The following ANKMY1 variants were observed in gnomAD, a reference collection of about 807,000 sequenced individuals.
The protein encoded by ANKMY1 is ankyrin repeat and MYND domain-containing protein 1.
ANKMY1 carries 98 observed loss-of-function variants against 102.0 expected under a neutral mutation model. The observed-to-expected ratio is 0.96, with a 90% CI of 0.82 to 1.14. ANKMY1 has a LOEUF of 1.14. Ranked by LOEUF, ANKMY1 falls within the 50% of genes most tolerant of loss-of-function variation. The pLI is 0.00. For synonymous variants in ANKMY1, 582 were observed against 559.9 expected, an observed-to-expected ratio of 1.04 and a Z score of -0.56; for missense variants, 1,330 against 1,347.6, an observed-to-expected ratio of 0.99 and a Z score of 0.20.
intron 2 of ANKMY1, chr2:240,555,397 G>A (rs1033931513): frequency 3.4e-6 from 1 of 297,106 alleles, no homozygotes; most frequent in Non-Finnish European, 6.5e-6. Flanking sequence ...CTGCCTGCAG[G>A]ACGTGGGTGC....
intron 5 of ANKMY1, among the ~76,000 whole-genome samples, chr2:240,528,107 T>C (rs1353318436): frequency 1.3e-5 from 2 of 152,018 alleles, no homozygotes; most frequent in Non-Finnish European, 2.9e-5. Context: ...GCCAATATGG[T>C]GAAACCCCGT....
chr2:240,500,762 G>C (rs942498706), intron 13 of ANKMY1, among the ~76,000 whole-genome samples, 197 bp from the exon 14 acceptor site: 2 of 152,222 alleles, frequency 1.3e-5, no homozygotes, highest in Admixed American at 6.5e-5. Context: ...AGTTGGGGCT[G>C]AGCCTCGCCC....
rs111636300 is a variant in ANKMY1 at position 240,483,994 on chromosome 2, G to A, written c.2807-1733C>T. On this transcript the variant is annotated intron_variant, in intron 15 of 17. Transcript: ENST00000401804. ...AATGGTGGTTTCCAGCTTTATCCAT[G>A]TCTCTGCAAAGGACATGAACTCAGC... Among the ~76,000 whole-genome samples, 928 of 152,292 alleles carry A rather than the reference G, an allele frequency of 6.1e-3. 10 individuals carry two copies. Among genetic ancestry groups the A allele is most frequent in the African/African-American group, 0.021 (886 of 41,552 alleles).
chr2:240,559,387 C>G (rs2092743859), upstream of ANKMY1, among the ~76,000 whole-genome samples: 1 of 152,224 alleles, frequency 6.6e-6, no homozygotes, highest in African/African-American at 2.4e-5. Context: ...CCTCTGCTTT[C>G]ACCCAAGGCT....
At chr2:240,493,043 A>G (rs186691822) in intron 15 of ANKMY1, among the ~76,000 whole-genome samples, 1,887 of 150,424 alleles carry the variant, frequency 0.013, 27 homozygotes, top group Non-Finnish European at 0.018. Flanking sequence ...CTTTTTGGTG[A>G]CTGGGTGTGG....
At chr2:240,480,867 C>G in intron 17 of ANKMY1, 70 bp downstream of exon 17, 1 of 1,520,780 alleles carries the variant, frequency 6.6e-7, no homozygotes, top group South Asian at 1.3e-5. Context: ...CCCTCACCAG[C>G]ACCCCAGGCC....
chr2:240,553,071 A>C lies in ANKMY1; in HGVS notation c.337-14T>G, dbSNP rs779150165. 6.2e-7 allele frequency: 1 copy of C among 1,610,504 alleles called. No individual in the cohort carries two copies. The highest frequency in any genetic ancestry group is 1.1e-5 in the South Asian group (1 of 90,948). ...CCCATGGTATGACTGTGAGATGGAGAAGTTGGTGAGAAATTGCTGCTCTTC... is the reference window on the plus strand; with the variant it reads ...CCCATGGTATGACTGTGAGATGGAGCAGTTGGTGAGAAATTGCTGCTCTTC... On this transcript the variant is annotated splice_polypyrimidine_tract_variant and intron_variant, in intron 3 of 17. Transcript: ENST00000401804.
chr2:240,526,215 G>A lies in ANKMY1; in HGVS notation c.1170+14C>T. On this transcript the variant is annotated intron_variant, in intron 6 of 17. Coordinates refer to ENST00000401804, the MANE Select transcript of ANKMY1 (RefSeq NM_001282771.3). ...AGCTCCTGCGGGCACCAGCTGGGAG[G>A]GTGTGGGGCTTACAGCAGCCGCAGC... 2 of 1,613,916 alleles carry A rather than the reference G, an allele frequency of 1.2e-6. No homozygotes were observed. The highest frequency in any genetic ancestry group is 8.5e-7 in the Non-Finnish European group (1 of 1,179,968).
intron 13 of ANKMY1, among the ~76,000 whole-genome samples, chr2:240,507,144 G>C (rs2079213502): frequency 6.6e-6 from 1 of 151,570 alleles, no homozygotes; most frequent in Non-Finnish European, 1.5e-5. Flanking sequence ...ATTTTTTAAG[G>C]CCTGTAAAAT....
At chr2:240,557,721 G>A (rs1480573562) in intron 1 of ANKMY1, among the ~76,000 whole-genome samples, 160 bp downstream of exon 1, 2 of 152,140 alleles carry the variant, frequency 1.3e-5, no homozygotes, top group Admixed American at 1.3e-4. Flanking sequence ...TCGAGGGTGG[G>A]CTCGGGAGAC....
chr2:240,509,222 T>G, intron 12 of ANKMY1, 126 bp downstream of exon 12: 1 of 724,780 alleles, frequency 1.4e-6, no homozygotes, highest in African/African-American at 2.1e-5. Context: ...GGTGGATGGA[T>G]GAATGGATGG....
intron 3 of ANKMY1, chr2:240,553,491 G>A (rs2091885122): frequency 4.9e-6 from 1 of 205,460 alleles, no homozygotes; most frequent in Non-Finnish European, 1.0e-5. Context: ...GCACAGGGGA[G>A]GACTCTGATT....
chr2:240,544,051 C>T (rs916385854), intron 4 of ANKMY1, among the ~76,000 whole-genome samples: 3 of 151,922 alleles, frequency 2.0e-5, no homozygotes, highest in African/African-American at 4.8e-5. Flanking sequence ...CCAACTTAGA[C>T]GTTATCTAAA....
intron 13 of ANKMY1, among the ~76,000 whole-genome samples, chr2:240,507,240 C>T (rs1405539157): frequency 1.3e-5 from 2 of 152,114 alleles, no homozygotes; most frequent in Non-Finnish European, 2.9e-5. Flanking sequence ...CCACCGCCCG[C>T]CAGGAATGAC....
chr2:240,491,438 C>T (rs2076645387), intron 15 of ANKMY1, among the ~76,000 whole-genome samples: 1 of 152,108 alleles, frequency 6.6e-6, no homozygotes, highest in African/African-American at 2.4e-5. Context: ...TGGCATTGTG[C>T]TTTGGTGGAT....
Position 240,552,911 on chromosome 2 carries a change from C to CA in ANKMY1, c.480+2dup, listed in dbSNP as rs2091771907. On this transcript the variant is annotated splice_region_variant and intron_variant, in intron 4 of 17. Transcript: ENST00000401804. ...CCAGCTGAACACATGGCAGCCCCCT[C>CA]ACCTGGAAAAGCCGTGTCTTCATGT... 1 of 1,613,678 alleles carries CA rather than the reference C, an allele frequency of 6.2e-7. No homozygotes were observed. The highest frequency in any genetic ancestry group is 1.3e-5 in the African/African-American group (1 of 74,866).
At chr2:240,507,489 C>T (rs988862679) in intron 13 of ANKMY1, 71 bp downstream of exon 13, 12 of 1,515,116 alleles carry the variant, frequency 7.9e-6, no homozygotes, top group Non-Finnish European at 1.1e-5. Context: ...AGCCCTCACA[C>T]CCCTCACTCA....
intron 9 of ANKMY1, among the ~76,000 whole-genome samples, chr2:240,515,915 AG>A: frequency 6.6e-6 from 1 of 151,192 alleles, no homozygotes; most frequent in East Asian, 1.9e-4. Flanking sequence ...TAGTAGAGAC[AG>A]GGTTTCACCG....
chr2:240,504,471 G>A (rs1046188456), intron 13 of ANKMY1, among the ~76,000 whole-genome samples: 3 of 151,894 alleles, frequency 2.0e-5, no homozygotes. Context: ...TAGACAAGCT[G>A]GACTTCATGA....
Sources: gnomAD v4.1 joint callset for allele counts (sites outside exome capture counted in the v4.1 genomes callset) on GRCh38, gnomAD v4.1.1 for gene constraint, MANE v1.5 for transcripts, NCBI Gene and HGNC (gene_info 2026-07-23, HGNC 2026-07-21) for gene names.